TAFA4: variants seen among roughly 807,000 people sequenced by gnomAD.
The protein encoded by TAFA4 is TAFA chemokine like family member 4.
A neutral mutation model predicts 21.1 loss-of-function variants in TAFA4; 20 were observed. The ratio of observed to expected loss-of-function variants is 0.95; its 90% CI spans 0.67 to 1.38. The LOEUF (loss-of-function observed/expected upper bound fraction) is 1.38. Ranked by LOEUF, TAFA4 falls within the 40% of genes most tolerant of loss-of-function variation. TAFA4 has a pLI of 0.00. For synonymous variants in TAFA4, 71 were observed against 67.4 expected (o/e 1.05, Z -0.26); for missense variants, 211 against 180.9 (o/e 1.17, Z -0.95).
At chr3:68,780,026 T>C (rs1703125839) in intron 3 of TAFA4, among the ~76,000 whole-genome samples, 1 of 152,184 alleles carries the variant, frequency 6.6e-6, no homozygotes, top group South Asian at 2.1e-4. Flanking sequence ...AGCATGACCT[T>C]GATGTGAGAC....
intron 3 of TAFA4, among the ~76,000 whole-genome samples, chr3:68,756,095 C>T (rs1463034095): frequency 6.6e-6 from 1 of 152,222 alleles, no homozygotes; most frequent in Admixed American, 6.5e-5. Context: ...AGCTAAGCCA[C>T]TCCCAGATTG....
At chr3:68,930,932 A>G (rs1289871444) in intron 1 of TAFA4, among the ~76,000 whole-genome samples, 1 of 152,208 alleles carries the variant, frequency 6.6e-6, no homozygotes, top group Non-Finnish European at 1.5e-5. Context: ...AAAAAAATCC[A>G]AGGCCTTCCT....
rs138789652 is a variant in TAFA4, at chr3:68,852,460, G to C, written c.130+28270C>G. Among the ~76,000 whole-genome samples, 340 of 152,294 alleles carry C rather than the reference G, an allele frequency of 2.2e-3. 3 individuals carry two copies. The East Asian group carries it at 0.025, about 11-fold the overall frequency. On this transcript the variant is annotated intron_variant, in intron 3 of 5. Transcript: ENST00000295569. ...AAAGTCCACCAAATTCCAGAGAGAA[G>C]CATTAGCGAGGCTCCTTGGCTGCAA...
At chr3:68,926,747 A>G (rs2090111022) in intron 1 of TAFA4, among the ~76,000 whole-genome samples, 1 of 151,916 alleles carries the variant, frequency 6.6e-6, no homozygotes, top group South Asian at 2.1e-4. Context: ...ACCCGTCTCT[A>G]TAAAAATACA....
intron 1 of TAFA4, among the ~76,000 whole-genome samples, chr3:68,897,577 G>A (rs1439456956): frequency 6.6e-6 from 1 of 151,692 alleles, no homozygotes; most frequent in Non-Finnish European, 1.5e-5. Context: ...AGTGAGCTGA[G>A]ATCATGCCAT....
intron 3 of TAFA4, among the ~76,000 whole-genome samples, chr3:68,845,125 G>A (rs1006983981): frequency 3.9e-5 from 6 of 152,068 alleles, no homozygotes; most frequent in Admixed American, 6.6e-5. Flanking sequence ...AAAGTCTCCC[G>A]CTGTTATTGT....
intron 3 of TAFA4, among the ~76,000 whole-genome samples, chr3:68,877,085 G>A (rs1404516855): frequency 9.2e-5 from 14 of 152,202 alleles, no homozygotes; most frequent in African/African-American, 3.4e-4. Flanking sequence ...CGGGCCGGGC[G>A]CAGTGTCTCA....
chr3:68,881,556 G>A (rs925692901), intron 2 of TAFA4, among the ~76,000 whole-genome samples: 11 of 152,132 alleles, frequency 7.2e-5, no homozygotes, highest in African/African-American at 2.4e-4. Flanking sequence ...AACATCAGAA[G>A]GGAATTAAGT....
chr3:68,930,866 G>C (rs1271098592), intron 1 of TAFA4, among the ~76,000 whole-genome samples: 1 of 152,216 alleles, frequency 6.6e-6, no homozygotes, highest in African/African-American at 2.4e-5. Context: ...CTCAGTGACT[G>C]AGTGGTAACA....
chr3:68,926,462 G>GA (rs2090108821), intron 1 of TAFA4, among the ~76,000 whole-genome samples: 1 of 152,162 alleles, frequency 6.6e-6, no homozygotes, highest in Admixed American at 6.5e-5. Context: ...CTAGGGTGAT[G>GA]AAAAGAACTG....
chr3:68,793,612 C>T (rs1401171536), intron 3 of TAFA4, among the ~76,000 whole-genome samples: 2 of 152,178 alleles, frequency 1.3e-5, no homozygotes, highest in Non-Finnish European at 2.9e-5. Context: ...TAACAGTTAA[C>T]TGAACTTCAT....
chr3:68,766,663 A>G (rs914212107), intron 3 of TAFA4, among the ~76,000 whole-genome samples: 8 of 152,140 alleles, frequency 5.3e-5, no homozygotes, highest in Non-Finnish European at 8.8e-5. Flanking sequence ...TATTTCAGAG[A>G]TAAAGAACAA....
intron 3 of TAFA4, among the ~76,000 whole-genome samples, chr3:68,818,481 C>G (rs1575622752): frequency 6.6e-6 from 1 of 152,216 alleles, no homozygotes; most frequent in Non-Finnish European, 1.5e-5. Context: ...GTGCAAGAGG[C>G]CTAGCTTTCA....
At chr3:68,802,502 A>G (rs561267381) in intron 3 of TAFA4, among the ~76,000 whole-genome samples, 2 of 152,268 alleles carry the variant, frequency 1.3e-5, no homozygotes, top group South Asian at 4.1e-4. Context: ...GAACACCAAA[A>G]TTTAGTGCAC....
intron 5 of TAFA4, among the ~76,000 whole-genome samples, chr3:68,736,992 T>A (rs1364542815): frequency 6.6e-6 from 1 of 152,136 alleles, no homozygotes; most frequent in East Asian, 1.9e-4. Flanking sequence ...CAAACTTACA[T>A]TCCCAGCACA....
intron 4 of TAFA4, among the ~76,000 whole-genome samples, chr3:68,748,743 C>CA (rs780362480): frequency 0.04 from 2,402 of 59,816 alleles, 62 homozygotes; most frequent in African/African-American, 0.12. Flanking sequence ...GACTCCGTCT[C>CA]AAAAAAAAAA....
chr3:68,732,908 C>A lies in TAFA4; in HGVS notation c.*234G>T. 1 of 535,820 alleles carries A rather than the reference C, an allele frequency of 1.9e-6. No homozygotes were observed. The highest frequency in any genetic ancestry group is 3.3e-6 in the Non-Finnish European group (1 of 303,654). The allele number at this position is 535,820 out of a possible 1,614,324, so 33.2% of individuals were successfully genotyped here. ...TTTTGGAGGTATGCTCCTTGGGAATCCAGAGAGGATGTCAAATGGGTGGTG... is the reference window on the plus strand; with the variant it reads ...TTTTGGAGGTATGCTCCTTGGGAATACAGAGAGGATGTCAAATGGGTGGTG... On this transcript the variant is annotated 3_prime_UTR_variant, in exon 6 of 6. Transcript: ENST00000295569.
In TAFA4 at chr3:68,739,131, G is replaced by C; in HGVS notation, c.355C>G (p.Leu119Val). The part of the protein sequence containing the change: ...PCLEGEDCKV[L>V]PDYSGWSCSS... ...CAGGACCAACCTGAGTAATCTGGCAGCACTTTACAATCCTCTCCTTCCAAA... is the reference window on the plus strand; with the variant it reads ...CAGGACCAACCTGAGTAATCTGGCACCACTTTACAATCCTCTCCTTCCAAA... The change falls in exon 5 of 6, where the codon CTG (leucine) becomes GTG (valine). Residue 119 changes from leucine (L) to valine (V), a missense_variant. By Grantham distance (32) the Leu-to-Val change is conservative. Coordinates refer to ENST00000295569, the MANE Select transcript of TAFA4 (RefSeq NM_182522.5). The C allele has an allele frequency of 6.2e-7, 1 of 1,614,002 alleles. No individual in the cohort carries two copies. The highest frequency in any genetic ancestry group is 8.5e-7 in the Non-Finnish European group (1 of 1,179,916).
chr3:68,861,238 C>T (rs905523942), intron 3 of TAFA4, among the ~76,000 whole-genome samples: 7 of 151,860 alleles, frequency 4.6e-5, no homozygotes, highest in Admixed American at 1.3e-4. Flanking sequence ...AAGTTACCTG[C>T]GATGAGGGTT....
Sources: gnomAD v4.1 joint callset for allele counts (sites outside exome capture counted in the v4.1 genomes callset) on GRCh38, gnomAD v4.1.1 for gene constraint, MANE v1.5 for transcripts, NCBI Gene and HGNC (gene_info 2026-07-23, HGNC 2026-07-21) for gene names.